Variants in HECTD3 observed in about 807,000 individuals in gnomAD.
The protein encoded by HECTD3 is E3 ubiquitin-protein ligase HECTD3.
Under a neutral mutation model 109.3 loss-of-function variants are expected in HECTD3, and 72 were observed. The observed-to-expected ratio is 0.66, with a 90% CI of 0.54 to 0.80. The LOEUF (loss-of-function observed/expected upper bound fraction) is 0.80, where lower values mean the gene tolerates loss of function less well. Among genes scored for constraint, HECTD3 ranks in the 30% least tolerant of loss-of-function variants. The probability of loss-of-function intolerance (pLI) is 0.00; values close to 1 mark genes in which losing one functional copy is unlikely to be tolerated. For synonymous variants in HECTD3, 481 were observed against 471.8 expected (o/e 1.02, Z -0.25); for missense variants, 1,041 against 1,165.2 (o/e 0.89, Z 1.55).
chr1:45,005,341 C>T (rs1161548401), intron 15 of HECTD3: 3 of 199,546 alleles, frequency 1.5e-5, no homozygotes, highest in South Asian at 1.0e-4. Context: ...GGAAAGGTGT[C>T]CTCAACCAGG....
rs774208873 is a variant in HECTD3 at position 45,008,256 on chromosome 1, G to A, written c.1304C>T (p.Thr435Ile). ...TCGGCTCACCTTAATCTCACTGAAG[G>A]TGCCCAGTGTGTGGTCCCAGGCAGG... Reference protein sequence around the residue: ...LVPAWDHTLGTFSEIKQVKQF... With the variant: ...LVPAWDHTLGIFSEIKQVKQF... The change falls in exon 9 of 21, where the codon ACC becomes ATC. Residue 435 changes from threonine (T) to isoleucine (I), a missense_variant. Coordinates refer to ENST00000372172, the MANE Select transcript of HECTD3 (RefSeq NM_024602.6). 13 of 1,613,848 alleles carry A rather than the reference G, an allele frequency of 8.1e-6. No individual in the cohort carries two copies. Among genetic ancestry groups the A allele is most frequent in the African/African-American group, 1.3e-5 (1 of 74,910 alleles).
In HECTD3 at chr1:45,006,186, G is replaced by C. The variant is rs538197869; in HGVS notation, c.1726-70C>G. 2.2e-5 allele frequency: 35 copies of C among 1,562,688 alleles called. No homozygotes were observed. In the South Asian group the frequency reaches 2.3e-4, roughly 10 times the overall value. ...ATTTTCCTGGCCCAAAGACTTCCCT[G>C]AACATTTTCCACTGGGAACATTTTC... On this transcript the variant is annotated intron_variant, in intron 13 of 20. Transcript: ENST00000372172. The surrounding 1 kb of genome is among the most constrained non-coding windows in gnomAD (Gnocchi z 4.7).
chr1:45,009,190 C>A lies in HECTD3; in HGVS notation c.1026G>T (p.Met342Ile). 6 of 1,614,102 alleles carry A rather than the reference C, an allele frequency of 3.7e-6. No individual in the cohort carries two copies. Among genetic ancestry groups the A allele is most frequent in the Non-Finnish European group, 5.1e-6 (6 of 1,179,948 alleles). Residue 342 changes from methionine (M) to isoleucine (I), a missense_variant, in exon 7 of 21, where the codon ATG becomes ATT. Physicochemically the swap from Met to Ile is conservative, Grantham distance 10. Transcript: ENST00000372172. ...TCTCGATGATCGGGAGGTGGACGGT[C>A]ATGTCCTCCAGGACACAGACATCCC... is the stretch of plus-strand genomic sequence containing the variant. ...LIGDVCVLED[M>I]TVHLPIIEIR...
chr1:45,004,511 C>G, intron 16 of HECTD3, 89 bp downstream of exon 16: 1 of 1,591,580 alleles, frequency 6.3e-7, no homozygotes, highest in East Asian at 2.2e-5. Context: ...TCTTGGAGTA[C>G]TGGTGGCTTA....
At chr1:45,010,403 G>A in intron 2 of HECTD3, 110 bp from the exon 3 acceptor site, 3 of 1,446,584 alleles carry the variant, frequency 2.1e-6, no homozygotes, top group Non-Finnish European at 2.9e-6. Context: ...CTCCCTCCGA[G>A]CCCCCTTCAC....
chr1:45,003,980 G>A lies in HECTD3; in HGVS notation c.2348-44C>T. 1 of 1,612,728 alleles carries A rather than the reference G, an allele frequency of 6.2e-7. No homozygotes were observed. Among genetic ancestry groups the A allele is most frequent in the Non-Finnish European group, 8.5e-7 (1 of 1,178,862 alleles). Reference sequence around the variant, plus strand: ...CAGTGCCTGCATGGATGGTGAGGGAGGGTCTACAACTTCTACCCTGCCTCT... The same window carrying A: ...CAGTGCCTGCATGGATGGTGAGGGAAGGTCTACAACTTCTACCCTGCCTCT... On this transcript the variant is annotated intron_variant, in intron 18 of 20. Coordinates refer to ENST00000372172, the MANE Select transcript of HECTD3 (RefSeq NM_024602.6). This position sits in a 1 kb window ranked among gnomAD's most constrained non-coding sequence, Gnocchi z 4.7.
Position 45,011,171 on chromosome 1 carries a change from G to A in HECTD3, c.87C>T (p.Ser29=), listed in dbSNP as rs1569952905. ...RVRFLAEAAR[S]LRAGRPLPAA... Reference sequence around the variant, plus strand: ...CTGGCAGCGGCCGCCCGGCGCGGAGGCTCCGCGCTGCCTCTGCCAAGAAGC... The same window carrying A: ...CTGGCAGCGGCCGCCCGGCGCGGAGACTCCGCGCTGCCTCTGCCAAGAAGC... Residue 29 remains serine (S), a synonymous_variant, in exon 1 of 21, where the codon AGC becomes AGT. Coordinates refer to ENST00000372172, the MANE Select transcript of HECTD3 (RefSeq NM_024602.6). 6.7e-7 allele frequency: 1 copy of A among 1,491,114 alleles called. No individual in the cohort carries two copies. The highest frequency in any genetic ancestry group is 8.9e-7 in the Non-Finnish European group (1 of 1,128,948). The allele number at this position is 1,491,114 out of a possible 1,614,324, so 92.4% of individuals were successfully genotyped here. A position where few individuals can be genotyped will look rare whatever the true frequency, so the allele number is the denominator to read the frequency against.
chr1:45,004,798 G>A lies in HECTD3; in HGVS notation c.1944C>T (p.Leu648=), dbSNP rs765999782. ...FPAVDSVLVK[L]LEVMEGMDKE... is the part of the protein sequence containing the mutation. ...TGTCCATTCCTTCCATCACTTCCAG[G>A]AGCTTCACCTAGGGGTTGGAGAGAG... Residue 648 remains leucine (L), a synonymous_variant, in exon 16 of 21, where the codon CTC becomes CTT. Transcript: ENST00000372172. 5 of 1,614,004 alleles carry A rather than the reference G, an allele frequency of 3.1e-6. No individual in the cohort carries two copies. Among genetic ancestry groups the A allele is most frequent in the Middle Eastern group, 1.6e-4 (1 of 6,084 alleles).
chr1:45,004,507 A>T (rs1644718350), intron 16 of HECTD3, 93 bp downstream of exon 16: 2 of 1,590,708 alleles, frequency 1.3e-6, no homozygotes, highest in Admixed American at 1.7e-5. Flanking sequence ...GAGTTCTTGG[A>T]GTACTGGTGG....
At position 45,011,016 on chromosome 1, in the gene HECTD3, G is replaced by A. The variant is rs1422575204; in HGVS notation, c.242C>T (p.Ala81Val). 2 of 1,431,554 alleles carry A rather than the reference G, an allele frequency of 1.4e-6. No homozygotes were observed. Among genetic ancestry groups the A allele is most frequent in the South Asian group, 1.4e-5 (1 of 69,154 alleles). 88.7% of individuals were successfully genotyped at this position (1,431,554 alleles called of 1,614,324 possible). A position where few individuals can be genotyped will look rare whatever the true frequency, so the allele number is the denominator to read the frequency against. Residue 81 changes from alanine to valine, a missense_variant, in exon 1 of 21, where the codon GCC (alanine) becomes GTC (valine). Ala to Val is a moderately conservative substitution (Grantham distance 64). Coordinates refer to ENST00000372172, the MANE Select transcript of HECTD3 (RefSeq NM_024602.6). ...GAGGGGCCCGGAGCCGGTACCGGGG[G>A]CTGGGCCTGCGGCGCCCACACGCAG... Reference protein sequence around the residue: ...LGLRVGAAGPAPGTGSGPLRA... With the variant: ...LGLRVGAAGPVPGTGSGPLRA...
chr1:45,010,733 G>C (rs769621027), intron 1 of HECTD3, 27 bp from the exon 2 acceptor site: 1 of 1,527,354 alleles, frequency 6.5e-7, no homozygotes, highest in South Asian at 1.2e-5. Context: ...GATGGGGACA[G>C]CCGTCAGGGA....
rs566030424 is a variant in HECTD3 at position 45,008,297 on chromosome 1, G to A, written c.1263C>T (p.Val421=). The change falls in exon 9 of 21, where the codon GTC becomes GTT. Residue 421 remains valine, a synonymous_variant. Coordinates refer to ENST00000372172, the MANE Select transcript of HECTD3 (RefSeq NM_024602.6). ...LQRFIKILDS[V]LHHLVPAWDH... is the part of the protein sequence containing the mutation. ...CCCAGGCAGGTACCAGGTGGTGCAG[G>A]ACACTATCGAGGATCTTGATGAATC... 1.5e-5 allele frequency: 24 copies of A among 1,614,106 alleles called. No individual in the cohort carries two copies. In the Admixed American group the frequency reaches 4.0e-4, roughly 27 times the overall value.
chr1:45,007,576 A>G lies in HECTD3; in HGVS notation c.1340T>C (p.Leu447Pro). The G allele has an allele frequency of 6.2e-7, 1 of 1,611,448 alleles. No individual in the cohort carries two copies. Among genetic ancestry groups the G allele is most frequent in the Non-Finnish European group, 8.5e-7 (1 of 1,179,980 alleles). The change falls in exon 10 of 21, where the codon CTG (leucine) becomes CCG (proline). Residue 447 changes from leucine to proline, a missense_variant. Physicochemically the swap from Leu to Pro is moderately conservative, Grantham distance 98 (BLOSUM62 -3). This residue lies in a region of HECTD3 where 569 missense variants were observed against 715.3 expected (regional missense o/e 0.80). Transcript: ENST00000372172. Reference protein sequence around the residue: ...SEIKQVKQFLLLSRQRPGLVA... With the variant: ...SEIKQVKQFLPLSRQRPGLVA... ...CAGGCCTGGCCGCTGGCGGGACAGCAGTAGGAACTGCTTCACTTGCTAGTG... is the reference window on the plus strand; with the variant it reads ...CAGGCCTGGCCGCTGGCGGGACAGCGGTAGGAACTGCTTCACTTGCTAGTG...
In HECTD3 at chr1:45,009,254, G is replaced by A. The variant is rs375653084; in HGVS notation, c.990-28C>T. 1,649 of 1,583,274 alleles carry A rather than the reference G, an allele frequency of 1.0e-3. 1 individual carries two copies. The highest frequency in any genetic ancestry group is 2.7e-3 in the Middle Eastern group (16 of 6,000). ...GAGGAGATGAGTGTGAAGCACTTCA[G>A]ATACCTCCTGCCTCAGGCCTTCAGA... On this transcript the variant is annotated intron_variant, in intron 6 of 20. Coordinates refer to ENST00000372172, the MANE Select transcript of HECTD3 (RefSeq NM_024602.6).
chr1:45,005,968 C>T (rs760142112), intron 14 of HECTD3, 29 bp downstream of exon 14: 9 of 1,610,854 alleles, frequency 5.6e-6, no homozygotes, highest in East Asian at 4.5e-5. Context: ...CAGGGCTGAT[C>T]GGACGGGGGT....
chr1:45,005,352 C>A (rs1644726136), intron 15 of HECTD3: 3 of 198,338 alleles, frequency 1.5e-5, no homozygotes, highest in South Asian at 2.1e-4. Flanking sequence ...CTCAACCAGG[C>A]AGGGAGACAG....
At position 45,009,533 on chromosome 1, in the gene HECTD3, G is replaced by A. The variant is rs750633702; in HGVS notation, c.875+35C>T. 6 of 1,605,226 alleles carry A rather than the reference G, an allele frequency of 3.7e-6. No homozygotes were observed. The Admixed American group carries it at 6.7e-5, about 18-fold the overall frequency. On this transcript the variant is annotated intron_variant, in intron 5 of 20. Coordinates refer to ENST00000372172, the MANE Select transcript of HECTD3 (RefSeq NM_024602.6). ...GTCTTTGTGAACCCACAGGGACATA[G>A]CCCACCCACCCTGTCCTGCCCAGAG...
In HECTD3 at chr1:45,003,716, G is replaced by C. The variant is rs199608229; in HGVS notation, c.2454C>G (p.Pro818=). The C allele has an allele frequency of 1.2e-6, 2 of 1,614,046 alleles. No individual in the cohort carries two copies. The highest frequency in any genetic ancestry group is 2.2e-5 in the South Asian group (2 of 91,086). The change falls in exon 20 of 21, where the codon CCC becomes CCG. Residue 818 remains proline, a synonymous_variant. Coordinates refer to ENST00000372172, the MANE Select transcript of HECTD3 (RefSeq NM_024602.6). This position sits in a 1 kb window ranked among gnomAD's most constrained non-coding sequence, Gnocchi z 4.7. ...GGGTGCTGGAGCAAGTGGAAGACTC[G>C]GGCAGCGCGTCTGTGGTCTCGTAGC... The part of the protein sequence containing the change: ...KLGYETTDAL[P]ESSTCSSTLF...
chr1:45,006,692 C>G lies in HECTD3; in HGVS notation c.1725G>C (p.Gln575His), dbSNP rs1253919017. The change falls in exon 13 of 21, where the codon CAG becomes CAC. Residue 575 changes from glutamine to histidine, a missense_variant and splice_region_variant. Gln to His is a conservative substitution (Grantham distance 24). Transcript: ENST00000372172. The surrounding 1 kb of genome is among the most constrained non-coding windows in gnomAD (Gnocchi z 4.7). ...PLPFFVRTANQGNGTGEARDM... is the reference protein window; with the variant it reads ...PLPFFVRTANHGNGTGEARDM... ...TTGCAGAGATGGAAACGGAGATTAC[C>G]TGGTTGGCTGTGCGTACAAAGAAGG... is the stretch of plus-strand genomic sequence containing the variant. 1 of 1,610,294 alleles carries G rather than the reference C, an allele frequency of 6.2e-7. No individual in the cohort carries two copies. Among genetic ancestry groups the G allele is most frequent in the Non-Finnish European group, 8.5e-7 (1 of 1,177,906 alleles).
Sources: allele counts gnomAD v4.1 joint callset, GRCh38; gene constraint gnomAD v4.1.1; regional missense constraint gnomAD v4.1.1; non-coding constraint Gnocchi (gnomAD v3.1); transcripts MANE v1.5; gene names NCBI Gene and HGNC (gene_info 2026-07-23, HGNC 2026-07-21).